The following CEP44 variants were observed in gnomAD, a reference collection of about 807,000 sequenced individuals.
The protein encoded by CEP44 is centrosomal protein 44.
CEP44 carries 45 observed loss-of-function variants against 46.7 expected under a neutral mutation model. That is an observed-to-expected ratio of 0.96 (90% CI 0.76 to 1.24). CEP44 has a LOEUF of 1.24. CEP44 is among the 50% of genes most tolerant of loss of function. The probability of loss-of-function intolerance (pLI) is 0.00; values close to 1 mark genes in which losing one functional copy is unlikely to be tolerated. For synonymous variants in CEP44, 142 were observed against 146.0 expected, an observed-to-expected ratio of 0.97 and a Z score of 0.20; for missense variants, 475 against 459.7, an observed-to-expected ratio of 1.03 and a Z score of -0.30.
downstream of CEP44, among the ~76,000 whole-genome samples, chr4:174,325,033 C>T (rs1426911414): frequency 5.3e-5 from 8 of 152,130 alleles, no homozygotes; most frequent in Non-Finnish European, 1.2e-4. This position sits in a 1 kb window ranked among gnomAD's most constrained non-coding sequence, Gnocchi z 4.4. Flanking sequence ...GGAATTCCTC[C>T]CTCACCAACA....
At chr4:174,316,464 T>C in intron 10 of CEP44, 66 bp from the exon 11 acceptor site, 1 of 1,440,050 alleles carries the variant, frequency 6.9e-7, no homozygotes, top group Non-Finnish European at 9.6e-7. Flanking sequence ...TTGTACATTC[T>C]CGGTCCATCT....
At chr4:174,315,682 A>G (rs2126661499) in intron 9 of CEP44, among the ~76,000 whole-genome samples, 1 of 152,144 alleles carries the variant, frequency 6.6e-6, no homozygotes, top group South Asian at 2.1e-4. Context: ...TCTACTAAAA[A>G]TACAAAAAAT....
exon 9 of CEP44, chr4:174,333,022 G>A (rs1021593332): frequency 2.0e-5 from 3 of 151,930 alleles, no homozygotes; most frequent in African/African-American, 7.3e-5. Flanking sequence ...ATTACATTGG[G>A]CACATAGGAC....
chr4:174,315,840 C>CAA (rs58586936), intron 9 of CEP44, among the ~76,000 whole-genome samples: 9 of 95,724 alleles, frequency 9.4e-5, no homozygotes, highest in Non-Finnish European at 1.3e-4. Context: ...GACTCCGTCT[C>CAA]AAAAAAAAAA....
At position 174,318,343 on chromosome 4, in the gene CEP44, A is replaced by G; in HGVS notation, c.*960A>G. On this transcript the variant is annotated 3_prime_UTR_variant, in exon 12 of 12. Coordinates refer to ENST00000503780, the MANE Select transcript of CEP44 (RefSeq NM_001040157.3). The stretch of plus-strand genomic sequence containing the variant: ...CTCCGGCGTAACACTTTTTAAGACC[A>G]GTGTAACAGAAAGAGAATGTAGCCA... 1.0e-6 allele frequency: 1 copy of G among 985,318 alleles called. No homozygotes were observed. The highest frequency in any genetic ancestry group is 1.2e-6 in the Non-Finnish European group (1 of 829,906). 61.0% of individuals were successfully genotyped at this position (985,318 alleles called of 1,614,324 possible). A position where few individuals can be genotyped will look rare whatever the true frequency, so the allele number is the denominator to read the frequency against.
chr4:174,294,247 T>TAA (rs1738581321), intron 1 of CEP44, among the ~76,000 whole-genome samples: 1 of 151,312 alleles, frequency 6.6e-6, no homozygotes. Context: ...TGATGACTCT[T>TAA]AACGAGCATG....
downstream of CEP44, among the ~76,000 whole-genome samples, chr4:174,322,172 A>C (rs1329481377): frequency 6.6e-6 from 1 of 152,170 alleles, no homozygotes; most frequent in Non-Finnish European, 1.5e-5. Flanking sequence ...AAGTAGAAAA[A>C]TGTTTAAAGT....
Position 174,288,196 on chromosome 4 carries a change from T to C in CEP44, c.-148+4253T>C, listed in dbSNP as rs1319883794. 2.0e-5 allele frequency among the ~76,000 whole-genome samples: 3 copies of C among 152,234 alleles called. No homozygotes were observed. The highest frequency in any genetic ancestry group is 4.4e-5 in the Non-Finnish European group (3 of 68,036). ...TTTCTGTTTGGAGATAAGTAGATATTGTGAAACCATCCAACCATTATTACT... is the reference window on the plus strand; with the variant it reads ...TTTCTGTTTGGAGATAAGTAGATATCGTGAAACCATCCAACCATTATTACT... On this transcript the variant is annotated intron_variant, in intron 1 of 11. Coordinates refer to ENST00000503780, the MANE Select transcript of CEP44 (RefSeq NM_001040157.3). This position sits in a 1 kb window ranked among gnomAD's most constrained non-coding sequence, Gnocchi z 4.6.
rs372832689 is a variant in CEP44, at chr4:174,329,936, A to C, written c.1087-1546A>C. 9.7e-4 allele frequency among the ~76,000 whole-genome samples: 148 copies of C among 152,314 alleles called. 2 individuals are homozygous for C. The Middle Eastern group carries it at 0.027, about 28-fold the overall frequency. ...AGATAGGAATACTTATTATAGTTTC[A>C]ACTTTCATACTTCGTATTAAAATGA... On this transcript the variant is annotated intron_variant, in intron 8 of 8. Transcript: ENST00000426172. This position sits in a 1 kb window ranked among gnomAD's most constrained non-coding sequence, Gnocchi z 4.0.
rs1402937584 is a variant in CEP44 at position 174,309,619 on chromosome 4, G to A, written c.679-231G>A. ...ATTATCAGAAGAATCATATGAAATA[G>A]ATACTGCTCTTATCTCTTTTTTTTT... On this transcript the variant is annotated intron_variant, in intron 7 of 11. Coordinates refer to ENST00000503780, the MANE Select transcript of CEP44 (RefSeq NM_001040157.3). This position sits in a 1 kb window ranked among gnomAD's most constrained non-coding sequence, Gnocchi z 5.3. 1.3e-5 allele frequency among the ~76,000 whole-genome samples: 2 copies of A among 151,724 alleles called. No individual in the cohort carries two copies. Among genetic ancestry groups the A allele is most frequent in the Non-Finnish European group, 1.5e-5 (1 of 67,878 alleles).
In CEP44 at chr4:174,286,337, C is replaced by T. The variant is rs544753551; in HGVS notation, c.-148+2394C>T. ...GGTGTGTAAAGGGATGATTTGTATC[C>T]TGGACAGCTGGGTAATGCGAATTGG... On this transcript the variant is annotated intron_variant, in intron 1 of 11. Transcript: ENST00000503780. The surrounding 1 kb of genome is among the most constrained non-coding windows in gnomAD (Gnocchi z 5.2). Among the ~76,000 whole-genome samples the T allele has an allele frequency of 1.3e-5, 2 of 152,284 alleles. No homozygotes were observed. The highest frequency in any genetic ancestry group is 6.5e-5 in the Admixed American group (1 of 15,308).
Position 174,301,427 on chromosome 4 carries a change from T to C in CEP44, c.90-612T>C, listed in dbSNP as rs1398030587. Among the ~76,000 whole-genome samples, 1 of 152,122 alleles carries C rather than the reference T, an allele frequency of 6.6e-6. No homozygotes were observed. The highest frequency in any genetic ancestry group is 2.4e-5 in the African/African-American group (1 of 41,436). ...GCTTCATGGGAAGCTTGAGATTTGA[T>C]GAATGATTTGTAAAAAATAAATAAT... On this transcript the variant is annotated intron_variant, in intron 3 of 11. Coordinates refer to ENST00000503780, the MANE Select transcript of CEP44 (RefSeq NM_001040157.3). This position sits in a 1 kb window ranked among gnomAD's most constrained non-coding sequence, Gnocchi z 4.3.
rs2126673251 is a variant in CEP44 at position 174,317,772 on chromosome 4, T to C, written c.*389T>C. 1 of 987,268 alleles carries C rather than the reference T, an allele frequency of 1.0e-6. No homozygotes were observed. The highest frequency in any genetic ancestry group is 1.2e-6 in the Non-Finnish European group (1 of 830,918). The allele number at this position is 987,268 out of a possible 1,614,324, so 61.2% of individuals were successfully genotyped here. ...CATTCCAAATGGGACTTGTGTATTA[T>C]ACCCAGGAGGCTCTCATATATACCA... On this transcript the variant is annotated 3_prime_UTR_variant, in exon 12 of 12. Transcript: ENST00000503780.
intron 1 of CEP44, among the ~76,000 whole-genome samples, chr4:174,296,732 A>G (rs183171120): frequency 7.0e-6 from 1 of 141,874 alleles, no homozygotes; most frequent in Non-Finnish European, 1.5e-5. Flanking sequence ...TGTTATATCC[A>G]GTTGATAGAT....
At chr4:174,291,882 C>A (rs1738271748) in intron 1 of CEP44, among the ~76,000 whole-genome samples, 1 of 145,728 alleles carries the variant, frequency 6.9e-6, no homozygotes, top group African/African-American at 2.5e-5. Flanking sequence ...CCTCAACCTC[C>A]TGGGCTCAAG....
intron 8 of CEP44, among the ~76,000 whole-genome samples, chr4:174,330,026 T>A (rs1053652633): frequency 2.0e-5 from 3 of 152,232 alleles, no homozygotes; most frequent in African/African-American, 7.2e-5. Context: ...TTGTAACACA[T>A]GTTCATTTTT....
At chr4:174,298,396 C>T (rs1560895762) in intron 2 of CEP44, among the ~76,000 whole-genome samples, 2 of 151,658 alleles carry the variant, frequency 1.3e-5, no homozygotes, top group African/African-American at 2.4e-5. Flanking sequence ...GGGATGGTCT[C>T]GATCTCCTGA....
At position 174,310,646 on chromosome 4, in the gene CEP44, G is replaced by A; in HGVS notation, c.886-137G>A. ...TTATATGTAGGAATATGCAGTATATGTATTGCTTTAATAAAAAATTAAAAA... is the reference window on the plus strand; with the variant it reads ...TTATATGTAGGAATATGCAGTATATATATTGCTTTAATAAAAAATTAAAAA... On this transcript the variant is annotated intron_variant, in intron 8 of 11. Transcript: ENST00000503780. This position sits in a 1 kb window ranked among gnomAD's most constrained non-coding sequence, Gnocchi z 4.2. 1.9e-6 allele frequency: 1 copy of A among 534,032 alleles called. No individual in the cohort carries two copies. Among genetic ancestry groups the A allele is most frequent in the Non-Finnish European group, 3.2e-6 (1 of 308,286 alleles). 33.1% of individuals were successfully genotyped at this position (534,032 alleles called of 1,614,324 possible).
rs1739773329 is a variant in CEP44 at position 174,302,006 on chromosome 4, T to G, written c.90-33T>G. ...TTGTGGAATTATGCTTATTAAATGCTTATTAAAAATATTTTTCTTTTTTTC... is the reference window on the plus strand; with the variant it reads ...TTGTGGAATTATGCTTATTAAATGCGTATTAAAAATATTTTTCTTTTTTTC... On this transcript the variant is annotated intron_variant, in intron 3 of 11. Coordinates refer to ENST00000503780, the MANE Select transcript of CEP44 (RefSeq NM_001040157.3). 7 of 1,564,734 alleles carry G rather than the reference T, an allele frequency of 4.5e-6. No individual in the cohort carries two copies. In the East Asian group the frequency reaches 1.6e-4, roughly 35 times the overall value.
Sources: allele counts gnomAD v4.1 joint callset (sites outside exome capture counted in the v4.1 genomes callset), GRCh38; gene constraint gnomAD v4.1.1; non-coding constraint Gnocchi (gnomAD v3.1); transcripts MANE v1.5; gene names NCBI Gene and HGNC (gene_info 2026-07-23, HGNC 2026-07-21).